CEP70: variants seen among roughly 807,000 people sequenced by gnomAD.
CEP70 encodes centrosomal protein 70, also known as centrosomal protein of 70 kDa.
A neutral mutation model predicts 90.9 loss-of-function variants in CEP70; 70 were observed. The observed-to-expected ratio is 0.77, with a 90% confidence interval of 0.64 to 0.94. CEP70 has a LOEUF of 0.94. Ranked by LOEUF, CEP70 falls within the 40% of genes least tolerant of loss-of-function variation. The pLI is 0.00. For missense variants in CEP70, 648 were observed against 669.0 expected (o/e 0.97, Z 0.35); for synonymous variants, 220 against 228.3 (o/e 0.96, Z 0.33).
At chr3:138,500,953 T>A (rs1198430676) in intron 13 of CEP70, 72 bp from the exon 14 acceptor site, 2 of 616,358 alleles carry the variant, frequency 3.2e-6, no homozygotes, top group African/African-American at 3.9e-5. Flanking sequence ...AGAACATAAT[T>A]AGTAAAATTA....
chr3:138,509,676 A>C (rs2035334721), intron 11 of CEP70, among the ~76,000 whole-genome samples: 1 of 152,142 alleles, frequency 6.6e-6, no homozygotes, highest in African/African-American at 2.4e-5. Flanking sequence ...TCCAGTAATA[A>C]ATAAGTTTTT....
chr3:138,517,471 A>G (rs550424048), intron 11 of CEP70, among the ~76,000 whole-genome samples: 39 of 152,240 alleles, frequency 2.6e-4, no homozygotes, highest in Admixed American at 7.2e-4. Flanking sequence ...AGATCCACAC[A>G]GTGGCTAACA....
chr3:138,527,750 T>A (rs2037418714), intron 10 of CEP70, among the ~76,000 whole-genome samples: 1 of 151,390 alleles, frequency 6.6e-6, no homozygotes, highest in South Asian at 2.1e-4. Flanking sequence ...AGATGAGGTC[T>A]CACATGTTGC....
chr3:138,589,399 A>G (rs985769902), intron 2 of CEP70, among the ~76,000 whole-genome samples: 10 of 151,962 alleles, frequency 6.6e-5, no homozygotes, highest in African/African-American at 2.4e-4. Context: ...TCATGCCTGT[A>G]ATCTCAGCAC....
intron 17 of CEP70, 112 bp from the exon 18 acceptor site, chr3:138,495,188 C>A: frequency 1.6e-6 from 1 of 616,456 alleles, no homozygotes; most frequent in Non-Finnish European, 2.9e-6. Context: ...GGCAATAATA[C>A]TGGTGCTTTT....
intron 6 of CEP70, among the ~76,000 whole-genome samples, chr3:138,570,071 G>C (rs2041059184): frequency 6.6e-6 from 1 of 151,950 alleles, no homozygotes; most frequent in African/African-American, 2.4e-5. Context: ...CTGAGCACTG[G>C]GGAATTCCAA....
intron 7 of CEP70, among the ~76,000 whole-genome samples, chr3:138,533,060 T>A (rs950826814): frequency 2.0e-5 from 3 of 152,220 alleles, no homozygotes; most frequent in Non-Finnish European, 4.4e-5. Context: ...GGCAGGCGGA[T>A]CACAAGGTCA....
intron 6 of CEP70, among the ~76,000 whole-genome samples, chr3:138,539,554 G>A (rs138113093): frequency 1.3e-5 from 2 of 152,150 alleles, no homozygotes; most frequent in South Asian, 2.1e-4. Context: ...TGCATTAGAG[G>A]CTTTTAATAG....
At chr3:138,561,922 C>G (rs2040433649) in intron 6 of CEP70, among the ~76,000 whole-genome samples, 1 of 150,810 alleles carries the variant, frequency 6.6e-6, no homozygotes, top group Admixed American at 6.6e-5. Flanking sequence ...TATTGGGAGG[C>G]TGAGGCAGGA....
intron 11 of CEP70, among the ~76,000 whole-genome samples, chr3:138,510,624 A>T (rs1263949315): frequency 2.0e-5 from 3 of 152,146 alleles, no homozygotes; most frequent in Admixed American, 2.0e-4. Flanking sequence ...TGAGTCATAG[A>T]GTCAGTTTAG....
At chr3:138,528,772 C>T (rs1343842951) in intron 10 of CEP70, among the ~76,000 whole-genome samples, 2 of 152,074 alleles carry the variant, frequency 1.3e-5, no homozygotes, top group African/African-American at 4.8e-5. Flanking sequence ...GAGAAAGGAT[C>T]ACTTGAGGTC....
intron 10 of CEP70, among the ~76,000 whole-genome samples, chr3:138,526,942 T>A (rs1576653933): frequency 6.6e-6 from 1 of 152,220 alleles, no homozygotes; most frequent in African/African-American, 2.4e-5. Context: ...TATATACAGC[T>A]GTAATTTGTC....
rs568673581 is a variant in CEP70 at position 138,589,207 on chromosome 3, A to T, written c.-6+2647T>A. ...GTGCAGCTTATTGTATATTAAATAT[A>T]TCAATAAAGCTGTTTTAAAAATAAA... On this transcript the variant is annotated intron_variant, in intron 2 of 17. Coordinates refer to ENST00000264982, the MANE Select transcript of CEP70 (RefSeq NM_024491.4). Among the ~76,000 whole-genome samples, 134 of 152,334 alleles carry T rather than the reference A, an allele frequency of 8.8e-4. 1 individual carries two copies. Among genetic ancestry groups the T allele is most frequent in the African/African-American group, 3.1e-3 (129 of 41,562 alleles).
In CEP70 at chr3:138,511,389, T is replaced by C. The variant is rs2035524587; in HGVS notation, c.945-2845A>G. On this transcript the variant is annotated intron_variant, in intron 11 of 17. Coordinates refer to ENST00000264982, the MANE Select transcript of CEP70 (RefSeq NM_024491.4). ...TAAAGGCAGTGCCATGAGCATATTA[T>C]CTAGAACAAAAAAGGACACAGAAAA... Among the ~76,000 whole-genome samples, 3 of 152,350 alleles carry C rather than the reference T, an allele frequency of 2.0e-5. No individual in the cohort carries two copies. In the South Asian group the frequency reaches 6.2e-4, roughly 32 times the overall value.
intron 7 of CEP70, among the ~76,000 whole-genome samples, chr3:138,536,610 A>T (rs985261392): frequency 1.3e-5 from 2 of 152,012 alleles, no homozygotes; most frequent in African/African-American, 4.8e-5. Flanking sequence ...ATTATTTTGA[A>T]ACTATTTTTA....
At chr3:138,499,816 G>A in intron 16 of CEP70, 1 of 258,210 alleles carries the variant, frequency 3.9e-6, no homozygotes, top group Non-Finnish European at 7.2e-6. Context: ...AAATTAGCTG[G>A]GCGTGGTGGC....
intron 2 of CEP70, among the ~76,000 whole-genome samples, chr3:138,590,347 AG>A (rs2042318648): frequency 1.3e-5 from 2 of 152,166 alleles, no homozygotes; most frequent in Non-Finnish European, 2.9e-5. Context: ...GAAGACTGGA[AG>A]TAGAATACAT....
chr3:138,571,858 A>C (rs567419128), intron 3 of CEP70, among the ~76,000 whole-genome samples: 2 of 152,192 alleles, frequency 1.3e-5, no homozygotes, highest in Admixed American at 1.3e-4. Context: ...GGCTCACTGC[A>C]AGCTCTGCCT....
At chr3:138,501,562 C>T (rs1033385981) in intron 13 of CEP70, among the ~76,000 whole-genome samples, 7 of 152,094 alleles carry the variant, frequency 4.6e-5, no homozygotes, top group South Asian at 2.1e-4. Context: ...TTATGAATGA[C>T]GTCTCTCACT....
Sources: allele counts gnomAD v4.1 joint callset (sites outside exome capture counted in the v4.1 genomes callset), GRCh38; gene constraint gnomAD v4.1.1; transcripts MANE v1.5; gene names NCBI Gene and HGNC (gene_info 2026-07-23, HGNC 2026-07-21).